EXT2: variants seen among roughly 807,000 people sequenced by gnomAD.
EXT2 encodes exostosin-2.
In EXT2, 53 loss-of-function variants were observed where a neutral mutation model predicts 81.6. The observed-to-expected ratio is 0.65, with a 90% CI of 0.52 to 0.82. EXT2 has a LOEUF of 0.82. Ranked by LOEUF, EXT2 falls within the 40% of genes least tolerant of loss-of-function variation. EXT2 has a pLI of 0.00. For synonymous variants in EXT2, 320 were observed against 340.0 expected (o/e 0.94, Z 0.65); for missense variants, 774 against 910.2 (o/e 0.85, Z 1.93).
intron 13 of EXT2, among the ~76,000 whole-genome samples, chr11:44,238,096 A>G (rs1955991583): frequency 6.6e-6 from 1 of 152,108 alleles, no homozygotes; most frequent in African/African-American, 2.4e-5. Context: ...TCTCAAAAGA[A>G]AAAAATGCAG....
chr11:44,200,459 A>T (rs1955509735), intron 9 of EXT2, among the ~76,000 whole-genome samples: 2 of 152,216 alleles, frequency 1.3e-5, no homozygotes, highest in African/African-American at 4.8e-5. Flanking sequence ...GCTTTGTCAG[A>T]AGAAAAGGCA....
At chr11:44,187,569 A>G (rs1333715844) in intron 8 of EXT2, among the ~76,000 whole-genome samples, 3 of 152,194 alleles carry the variant, frequency 2.0e-5, no homozygotes, top group Non-Finnish European at 4.4e-5. Context: ...AGTGGTGTGG[A>G]GCTATGAGAA....
At chr11:44,126,602 T>C (rs1048543066) in intron 5 of EXT2, among the ~76,000 whole-genome samples, 1 of 152,228 alleles carries the variant, frequency 6.6e-6, no homozygotes, top group African/African-American at 2.4e-5. Flanking sequence ...ATTGAAGCAA[T>C]ACTGAAGAGT....
intron 4 of EXT2, among the ~76,000 whole-genome samples, chr11:44,118,876 C>T (rs1238648805): frequency 6.6e-6 from 1 of 151,838 alleles, no homozygotes; most frequent in African/African-American, 2.4e-5. Context: ...AAAAAAGTTA[C>T]TTCTCTGCTG....
At chr11:44,181,733 A>G (rs757562231) in intron 8 of EXT2, among the ~76,000 whole-genome samples, 2 of 151,986 alleles carry the variant, frequency 1.3e-5, no homozygotes, top group Non-Finnish European at 2.9e-5. Flanking sequence ...TGTGGTTTTT[A>G]GTTTTTAGTT....
At position 44,206,836 on chromosome 11, in the gene EXT2, G is replaced by T; in HGVS notation, c.1539G>T (p.Arg513Ser). Residue 513 changes from arginine (R) to serine (S), a missense_variant, in exon 10 of 14, where the codon AGG (arginine) becomes AGT (serine). Transcript: ENST00000533608. The stretch of plus-strand genomic sequence containing the variant: ...TCCGGGTTCCATTAAAAGTTGTGAG[G>T]ACTGCTGAAAACAAGTTAAGTAACC... Reference protein sequence around the residue: ...PKIRVPLKVVRTAENKLSNRF... With the variant: ...PKIRVPLKVVSTAENKLSNRF... 5 of 1,614,042 alleles carry T rather than the reference G, an allele frequency of 3.1e-6. No homozygotes were observed. The highest frequency in any genetic ancestry group is 1.3e-5 in the African/African-American group (1 of 75,008).
At chr11:44,153,446 C>T (rs1055222104) in intron 7 of EXT2, among the ~76,000 whole-genome samples, 2 of 152,004 alleles carry the variant, frequency 1.3e-5, no homozygotes, top group African/African-American at 4.8e-5. Flanking sequence ...TATAAACAAT[C>T]ATGTTATCTG....
At chr11:44,152,535 G>A (rs1954805682) in intron 7 of EXT2, among the ~76,000 whole-genome samples, 2 of 152,138 alleles carry the variant, frequency 1.3e-5, no homozygotes, top group South Asian at 4.1e-4. Context: ...ATTTTTAGTA[G>A]AGACGGGTTT....
At chr11:44,229,508 C>T (rs938514186) in intron 10 of EXT2, among the ~76,000 whole-genome samples, 2 of 152,178 alleles carry the variant, frequency 1.3e-5, no homozygotes, top group African/African-American at 2.4e-5. Flanking sequence ...AAGCTCTTTT[C>T]ATGATCCCAG....
At position 44,237,919 on chromosome 11, in the gene EXT2, A is replaced by AAC. The variant is rs1554941508; in HGVS notation, c.2018+1545_2018+1546insCA. ...TCTCTACTTAAAAAAAAAAAAAAAAAAAAAAAAAAAACATACAAAGTTAGC... is the reference window on the plus strand; with the variant it reads ...TCTCTACTTAAAAAAAAAAAAAAAAAACAAAAAAAAAAACATACAAAGTTAGC... On this transcript the variant is annotated intron_variant, in intron 13 of 13. Coordinates refer to ENST00000533608, the MANE Select transcript of EXT2 (RefSeq NM_207122.2). Among the ~76,000 whole-genome samples, 245 of 141,892 alleles carry AAC rather than the reference A, an allele frequency of 1.7e-3. 1 individual carries two copies. The highest frequency in any genetic ancestry group is 3.0e-3 in the African/African-American group (119 of 39,830). 93.1% of individuals were successfully genotyped at this position (141,892 alleles called of 152,430 possible). A position where few individuals can be genotyped will look rare whatever the true frequency, so the allele number is the denominator to read the frequency against.
intron 8 of EXT2, among the ~76,000 whole-genome samples, chr11:44,182,402 C>T (rs536911037): frequency 6.6e-6 from 1 of 152,124 alleles, no homozygotes; most frequent in African/African-American, 2.4e-5. Flanking sequence ...TATCATTATC[C>T]TTGGAAGCTT....
chr11:44,244,985 C>T lies in EXT2; in HGVS notation c.*698C>T, dbSNP rs927207816. 8.6e-6 allele frequency: 2 copies of T among 232,272 alleles called. No homozygotes were observed. The highest frequency in any genetic ancestry group is 1.8e-4 in the South Asian group (1 of 5,532). 14.4% of individuals were successfully genotyped at this position (232,272 alleles called of 1,614,324 possible). A position where few individuals can be genotyped will look rare whatever the true frequency, so the allele number is the denominator to read the frequency against. On this transcript the variant is annotated 3_prime_UTR_variant, in exon 14 of 14. Coordinates refer to ENST00000533608, the MANE Select transcript of EXT2 (RefSeq NM_207122.2). ...ATAGTCCAAGGAACCACCTTTCTCC[C>T]TTGATATATTTAACTCCGTCTTTGG... is the stretch of plus-strand genomic sequence containing the variant.
intron 3 of EXT2, among the ~76,000 whole-genome samples, 200 bp downstream of exon 3, chr11:44,109,483 A>G: frequency 6.6e-6 from 1 of 152,244 alleles, no homozygotes; most frequent in East Asian, 1.9e-4. Context: ...ATGTCCTGGC[A>G]TAGCCTCTAA....
intron 1 of EXT2, among the ~76,000 whole-genome samples, chr11:44,099,945 C>T (rs1015669621): frequency 1.5e-4 from 23 of 152,064 alleles, no homozygotes; most frequent in African/African-American, 5.6e-4. Context: ...TGTGGGAGTT[C>T]GCTTAGCTTG....
At chr11:44,156,246 A>G (rs893433327) in intron 7 of EXT2, among the ~76,000 whole-genome samples, 2 of 152,034 alleles carry the variant, frequency 1.3e-5, no homozygotes, top group African/African-American at 4.8e-5. Context: ...ATAACCTTCT[A>G]ATACTTGAAT....
chr11:44,101,618 T>C (rs1419344693), intron 1 of EXT2, among the ~76,000 whole-genome samples: 2 of 152,230 alleles, frequency 1.3e-5, no homozygotes, highest in Non-Finnish European at 2.9e-5. Context: ...GCCTATTCCT[T>C]TCACTCTGCT....
Position 44,124,793 on chromosome 11 carries a change from C to A in EXT2, c.748C>A (p.Arg250=), listed in dbSNP as rs183424469. The change falls in exon 5 of 14, where the codon CGG becomes AGG. Residue 250 remains arginine, a synonymous_variant. Transcript: ENST00000533608. Reference sequence around the variant, plus strand: ...ACCTGTTTTTTTCCCTTGTAGTCCACGGCAATACTTCCTCCTGTCATCTCA... The same window carrying A: ...ACCTGTTTTTTTCCCTTGTAGTCCAAGGCAATACTTCCTCCTGTCATCTCA... ...VDLPEKGPGP[R]QYFLLSSQVG... 6.2e-7 allele frequency: 1 copy of A among 1,614,040 alleles called. No individual in the cohort carries two copies.
intron 8 of EXT2, among the ~76,000 whole-genome samples, chr11:44,189,155 C>T (rs899722447): frequency 2.6e-5 from 4 of 152,146 alleles, no homozygotes; most frequent in African/African-American, 9.7e-5. Context: ...TCAGTACCCC[C>T]AAATGTGATG....
chr11:44,244,051 A>G (rs1956068840), intron 13 of EXT2, 98 bp from the exon 14 acceptor site: 2 of 1,100,006 alleles, frequency 1.8e-6, no homozygotes, highest in Non-Finnish European at 1.4e-6. Context: ...TTTTGCTGTT[A>G]TCTCTCAACC....
Sources: allele counts gnomAD v4.1 joint callset (sites outside exome capture counted in the v4.1 genomes callset), GRCh38; gene constraint gnomAD v4.1.1; transcripts MANE v1.5; gene names NCBI Gene and HGNC (gene_info 2026-07-23, HGNC 2026-07-21).